Variants in KSR2 observed in about 807,000 individuals in gnomAD.
KSR2 encodes the protein kinase suppressor of ras 2.
KSR2 carries 25 observed loss-of-function variants against 107.8 expected under a neutral mutation model. The ratio of observed to expected loss-of-function variants is 0.23; its 90% CI spans 0.17 to 0.32. The LOEUF (loss-of-function observed/expected upper bound fraction) is 0.32, where lower values mean the gene tolerates loss of function less well. Among genes scored for constraint, KSR2 ranks in the 10% least tolerant of loss-of-function variants. KSR2 has a pLI of 1.00. For missense variants in KSR2, 887 were observed against 1,268.9 expected (o/e 0.70, Z 4.57); for synonymous variants, 480 against 507.0 (o/e 0.95, Z 0.71).
chr12:117,833,170 C>T lies in KSR2; in HGVS notation c.472+22258G>A, dbSNP rs79846266. On this transcript the variant is annotated intron_variant, in intron 3 of 19. Transcript: ENST00000339824. ...CAGGCACCTCTCTGAATTCTATCTCCTCCCTTTTTACAAGGGACGGGACAA... is the reference window on the plus strand; with the variant it reads ...CAGGCACCTCTCTGAATTCTATCTCTTCCCTTTTTACAAGGGACGGGACAA... 5.6e-3 allele frequency among the ~76,000 whole-genome samples: 847 copies of T among 152,314 alleles called. 34 individuals carry two copies. The East Asian group carries it at 0.1, about 18-fold the overall frequency.
Position 117,939,080 on chromosome 12 carries a change from A to C in KSR2, c.180+28996T>G, listed in dbSNP as rs138069400. On this transcript the variant is annotated intron_variant, in intron 1 of 19. Transcript: ENST00000339824. ...TAAGAATATTTTAAGTACTGTCAGCAGAGCTAGGGCAAGGCAGATATAATC... is the reference window on the plus strand; with the variant it reads ...TAAGAATATTTTAAGTACTGTCAGCCGAGCTAGGGCAAGGCAGATATAATC... Among the ~76,000 whole-genome samples, 574 of 152,296 alleles carry C rather than the reference A, an allele frequency of 3.8e-3. 2 individuals carry two copies. Among genetic ancestry groups the C allele is most frequent in the African/African-American group, 0.013 (545 of 41,552 alleles).
intron 14 of KSR2, among the ~76,000 whole-genome samples, chr12:117,502,225 G>A (rs1873420185): frequency 6.6e-6 from 1 of 152,234 alleles, no homozygotes. Context: ...ATGACTGTAG[G>A]CGCATGTGTG....
At chr12:117,862,830 C>T (rs1426945470) in intron 1 of KSR2, among the ~76,000 whole-genome samples, 1 of 151,632 alleles carries the variant, frequency 6.6e-6, no homozygotes, top group African/African-American at 2.4e-5. Context: ...CCTGGGTTCC[C>T]TCCATTCTCC....
chr12:117,907,827 A>G lies in KSR2; in HGVS notation c.181-47396T>C, dbSNP rs1483293941. Among the ~76,000 whole-genome samples the G allele has an allele frequency of 6.6e-6, 1 of 152,062 alleles. No homozygotes were observed. The highest frequency in any genetic ancestry group is 2.4e-5 in the African/African-American group (1 of 41,406). ...AAAGCTATATAATATGAGCTTCATAATCATCTTTTCACTGCCCCTCTTTGA... is the reference window on the plus strand; with the variant it reads ...AAAGCTATATAATATGAGCTTCATAGTCATCTTTTCACTGCCCCTCTTTGA... On this transcript the variant is annotated intron_variant, in intron 1 of 19. Coordinates refer to ENST00000339824, the MANE Select transcript of KSR2 (RefSeq NM_173598.6). The surrounding 1 kb of genome is among the most constrained non-coding windows in gnomAD (Gnocchi z 4.3).
At chr12:117,471,128 A>C in intron 18 of KSR2, 63 bp downstream of exon 18, 1 of 1,575,706 alleles carries the variant, frequency 6.3e-7, no homozygotes, top group Non-Finnish European at 8.6e-7. Context: ...AGTAAAAAGA[A>C]GGCCCATGAC....
At chr12:117,602,280 T>C (rs900711138) in intron 5 of KSR2, among the ~76,000 whole-genome samples, 1 of 152,238 alleles carries the variant, frequency 6.6e-6, no homozygotes, top group Non-Finnish European at 1.5e-5. Flanking sequence ...TGTGATTCCA[T>C]TGCCTTTAAC....
rs140758817 is a variant in KSR2, at chr12:117,498,735, G to A, written c.2220-13044C>T. Among the ~76,000 whole-genome samples the A allele has an allele frequency of 5.3e-5, 8 of 152,216 alleles. No homozygotes were observed. In the East Asian group the frequency reaches 7.7e-4, roughly 15 times the overall value. On this transcript the variant is annotated intron_variant, in intron 14 of 19. Transcript: ENST00000339824. ...GACAGGCCTTTCCTGTGCCATTCTCGTGATAGTGAATAAGTCTCACAAGAT... is the reference window on the plus strand; with the variant it reads ...GACAGGCCTTTCCTGTGCCATTCTCATGATAGTGAATAAGTCTCACAAGAT...
At chr12:117,734,744 GCAT>G (rs1887873373) in intron 4 of KSR2, among the ~76,000 whole-genome samples, 1 of 123,016 alleles carries the variant, frequency 8.1e-6, no homozygotes, top group African/African-American at 2.8e-5. Flanking sequence ...ATGCATGCAT[GCAT>G]GCATGCATGG....
chr12:117,574,516 C>T (rs12322278), intron 7 of KSR2, among the ~76,000 whole-genome samples: 39 of 152,074 alleles, frequency 2.6e-4, no homozygotes, highest in African/African-American at 9.2e-4. Flanking sequence ...GAAAATCAAG[C>T]GAAAGGGGTT....
intron 17 of KSR2, among the ~76,000 whole-genome samples, chr12:117,472,070 T>C: frequency 6.6e-6 from 1 of 152,172 alleles, no homozygotes. Context: ...GTCCTGATTC[T>C]ATTTATACTA....
intron 9 of KSR2, among the ~76,000 whole-genome samples, chr12:117,550,594 C>A (rs902182647): frequency 6.6e-6 from 1 of 152,084 alleles, no homozygotes; most frequent in Non-Finnish European, 1.5e-5. Context: ...GAGCAGAGAG[C>A]ATTAGGAGCA....
chr12:117,667,373 AAAG>A, intron 5 of KSR2, 98 bp downstream of exon 5: 2 of 1,131,472 alleles, frequency 1.8e-6, no homozygotes, highest in South Asian at 1.4e-5. Flanking sequence ...CCCTTGAGAT[AAAG>A]AAGAGAGAGT....
intron 14 of KSR2, among the ~76,000 whole-genome samples, chr12:117,512,929 A>T (rs907322469): frequency 1.6e-4 from 25 of 152,152 alleles, no homozygotes; most frequent in Admixed American, 1.4e-3. Flanking sequence ...GGCACTGGAC[A>T]TCTAGACAAC....
Position 117,863,818 on chromosome 12 carries a change from C to T in KSR2, c.181-3387G>A, listed in dbSNP as rs77237875. ...CCCTTTTCGGTGATCAGAGGCCGCC[C>T]GCATCCCTTGGCTTCTGGCCCCTTC... On this transcript the variant is annotated intron_variant, in intron 1 of 19. Coordinates refer to ENST00000339824, the MANE Select transcript of KSR2 (RefSeq NM_173598.6). Among the ~76,000 whole-genome samples the T allele has an allele frequency of 7.9e-3, 1,202 of 152,194 alleles. 4 individuals carry two copies. Among genetic ancestry groups the T allele is most frequent in the Non-Finnish European group, 0.012 (819 of 67,996 alleles).
At chr12:117,933,514 C>T (rs1017703826) in intron 1 of KSR2, among the ~76,000 whole-genome samples, 2 of 152,004 alleles carry the variant, frequency 1.3e-5, no homozygotes, top group Non-Finnish European at 2.9e-5. Context: ...ATGGCATGAA[C>T]CCGGGAGGCG....
At chr12:117,656,036 C>T (rs762911440) in intron 5 of KSR2, among the ~76,000 whole-genome samples, 18 of 152,128 alleles carry the variant, frequency 1.2e-4, no homozygotes, top group African/African-American at 2.9e-4. Flanking sequence ...TGAAGGCAAA[C>T]GGAATACAGA....
intron 1 of KSR2, among the ~76,000 whole-genome samples, chr12:117,878,846 A>G (rs954388304): frequency 1.3e-5 from 2 of 152,194 alleles, no homozygotes; most frequent in Non-Finnish European, 2.9e-5. Flanking sequence ...ACTCCTCCCA[A>G]CAGAGAGGCA....
intron 5 of KSR2, among the ~76,000 whole-genome samples, chr12:117,664,536 G>C (rs887596837): frequency 6.6e-6 from 1 of 152,076 alleles, no homozygotes; most frequent in Non-Finnish European, 1.5e-5. Context: ...GGAGGAGTCG[G>C]CACCTGGTAG....
intron 5 of KSR2, among the ~76,000 whole-genome samples, chr12:117,617,932 T>C (rs1881973716): frequency 1.3e-5 from 2 of 152,168 alleles, no homozygotes. Context: ...AAGAATAAAT[T>C]AAATTATGAT....
Sources: allele counts gnomAD v4.1 joint callset (sites outside exome capture counted in the v4.1 genomes callset), GRCh38; gene constraint gnomAD v4.1.1; non-coding constraint Gnocchi (gnomAD v3.1); transcripts MANE v1.5; gene names NCBI Gene and HGNC (gene_info 2026-07-23, HGNC 2026-07-21).